Variants in LDLRAD4 observed in about 807,000 individuals in gnomAD.
LDLRAD4 encodes low density lipoprotein receptor class A domain containing 4, also known as low-density lipoprotein receptor class A domain-containing protein 4.
In LDLRAD4, 5 loss-of-function variants were observed where a neutral mutation model predicts 17.0. The observed-to-expected ratio is 0.29, with a 90% CI of 0.15 to 0.62. The LOEUF is 0.62. LDLRAD4 is among the 20% of genes least tolerant of loss of function. The pLI is 0.84. For synonymous variants in LDLRAD4, 168 were observed against 171.8 expected (o/e 0.98, Z 0.17); for missense variants, 340 against 424.7 (o/e 0.80, Z 1.75).
chr18:13,277,295 C>A (rs923879308), upstream of LDLRAD4, among the ~76,000 whole-genome samples: 10 of 152,180 alleles, frequency 6.6e-5, no homozygotes, highest in African/African-American at 2.4e-4. Context: ...GTGTGTCCTG[C>A]ACACTGGAGG....
rs1295691192 is a variant in LDLRAD4, at chr18:13,480,892, G to A, written c.181+42508G>A. On this transcript the variant is annotated intron_variant, in intron 3 of 5. Transcript: ENST00000359446. ...CCCATGACTCCCAGTGAAAACCCACGTCCTGGCTGTCAGCCGTGTCAGCCA... is the reference window on the plus strand; with the variant it reads ...CCCATGACTCCCAGTGAAAACCCACATCCTGGCTGTCAGCCGTGTCAGCCA... Among the ~76,000 whole-genome samples, 17 of 152,338 alleles carry A rather than the reference G, an allele frequency of 1.1e-4. No individual in the cohort carries two copies. The East Asian group carries it at 2.3e-3, about 21-fold the overall frequency.
chr18:13,284,790 T>C (rs752225080), intron 1 of LDLRAD4, among the ~76,000 whole-genome samples: 3 of 152,240 alleles, frequency 2.0e-5, no homozygotes, highest in Non-Finnish European at 4.4e-5. Context: ...GCCACCCGGA[T>C]GAGCTGTGCT....
chr18:13,608,385 G>T (rs1325636577), intron 3 of LDLRAD4, among the ~76,000 whole-genome samples: 1 of 152,164 alleles, frequency 6.6e-6, no homozygotes, highest in Non-Finnish European at 1.5e-5. Flanking sequence ...AAGCCCTGGG[G>T]GTGAGAGCTG....
chr18:13,564,561 T>C (rs2094574741), intron 3 of LDLRAD4, among the ~76,000 whole-genome samples: 1 of 147,260 alleles, frequency 6.8e-6, no homozygotes, highest in South Asian at 2.1e-4. Flanking sequence ...AAAAAGTTCA[T>C]TTTTGTGTTC....
chr18:13,514,298 A>G (rs1309632121), intron 3 of LDLRAD4, among the ~76,000 whole-genome samples: 2 of 152,224 alleles, frequency 1.3e-5, no homozygotes, highest in Non-Finnish European at 2.9e-5. Flanking sequence ...CAATGAGATA[A>G]TAAACCAATT....
At chr18:13,639,665 T>C (rs1447797174) in intron 4 of LDLRAD4, among the ~76,000 whole-genome samples, 1 of 152,190 alleles carries the variant, frequency 6.6e-6, no homozygotes, top group Non-Finnish European at 1.5e-5. Flanking sequence ...TCTCGGGTTT[T>C]GGCCTCAAGC....
chr18:13,543,662 G>T (rs916932878), intron 3 of LDLRAD4: 2 of 152,110 alleles, frequency 1.3e-5, no homozygotes, highest in African/African-American at 2.4e-5. Context: ...CTTACATTAG[G>T]TCTCAGAGGT....
chr18:13,602,259 G>A (rs374694239), intron 3 of LDLRAD4, among the ~76,000 whole-genome samples: 1 of 152,090 alleles, frequency 6.6e-6, no homozygotes, highest in Non-Finnish European at 1.5e-5. Flanking sequence ...AGCCCCAGCA[G>A]CATGCAGTAT....
intron 2 of LDLRAD4, among the ~76,000 whole-genome samples, chr18:13,395,246 G>A (rs1174520581): frequency 6.6e-6 from 1 of 151,230 alleles, no homozygotes; most frequent in African/African-American, 2.4e-5. Context: ...AGTGGTGCTC[G>A]ATAAATGTTC....
rs1488503102 is a variant in LDLRAD4 at position 13,424,008 on chromosome 18, G to A, written c.41-14236G>A. Among the ~76,000 whole-genome samples, 3 of 152,104 alleles carry A rather than the reference G, an allele frequency of 2.0e-5. No individual in the cohort carries two copies. In the East Asian group the frequency reaches 5.8e-4, roughly 30 times the overall value. On this transcript the variant is annotated intron_variant, in intron 2 of 5. Transcript: ENST00000359446. ...AAATCAGCCGGGCGTGGTGGCATGT[G>A]CCTGTAATCCTAGCTACTCAGGAGG...
chr18:13,370,151 G>T (rs2084351627), intron 1 of LDLRAD4, among the ~76,000 whole-genome samples: 1 of 152,252 alleles, frequency 6.6e-6, no homozygotes, highest in African/African-American at 2.4e-5. Flanking sequence ...TTCATATCAG[G>T]ACTGTGAGTC....
At chr18:13,219,662 G>A (rs2041342568) in intron 1 of LDLRAD4, among the ~76,000 whole-genome samples, 1 of 152,168 alleles carries the variant, frequency 6.6e-6, no homozygotes, top group Admixed American at 6.5e-5. Flanking sequence ...CAAAAATAGG[G>A]TCCTATGGCT....
At chr18:13,381,847 T>A (rs1310113118) in intron 1 of LDLRAD4, among the ~76,000 whole-genome samples, 1 of 152,274 alleles carries the variant, frequency 6.6e-6, no homozygotes, top group African/African-American at 2.4e-5. Context: ...ATAGGTGAGC[T>A]GTGCCGTGCA....
intron 2 of LDLRAD4, among the ~76,000 whole-genome samples, chr18:13,417,523 C>G (rs979723365): frequency 6.6e-6 from 1 of 151,708 alleles, no homozygotes; most frequent in African/African-American, 2.4e-5. Flanking sequence ...AGCTCTGCCT[C>G]CCGGGTTCAC....
chr18:13,238,145 TATC>T (rs2145620377), intron 1 of LDLRAD4, among the ~76,000 whole-genome samples: 1 of 152,322 alleles, frequency 6.6e-6, no homozygotes, highest in South Asian at 2.1e-4. Context: ...GGTGCCAGAA[TATC>T]TGCCTTTCCC....
intron 2 of LDLRAD4, among the ~76,000 whole-genome samples, chr18:13,435,619 A>G (rs940468297): frequency 2.6e-5 from 4 of 151,956 alleles, no homozygotes; most frequent in African/African-American, 9.7e-5. Flanking sequence ...GCTAATTTTT[A>G]AACTTTTTTG....
intron 3 of LDLRAD4, chr18:13,500,952 C>T (rs1278849198): frequency 2.0e-5 from 3 of 152,182 alleles, no homozygotes; most frequent in Non-Finnish European, 4.4e-5. Context: ...CTAGGAAGGT[C>T]GCTTCAAGGA....
At chr18:13,262,441 A>G (rs1227882026) in intron 1 of LDLRAD4, among the ~76,000 whole-genome samples, 40 of 87,008 alleles carry the variant, frequency 4.6e-4, no homozygotes, top group African/African-American at 1.5e-3. Flanking sequence ...TGTGCGTGGA[A>G]ACTGAGTCCC....
At chr18:13,581,867 CTATGCACACACGTA>C (rs1465965935) in intron 3 of LDLRAD4, among the ~76,000 whole-genome samples, 2 of 152,036 alleles carry the variant, frequency 1.3e-5, no homozygotes, top group African/African-American at 4.8e-5. Context: ...ATGTGCAGAG[CTATGCACACACGTA>C]TGTGTGTGCA....
Sources: gnomAD v4.1 joint callset for allele counts (sites outside exome capture counted in the v4.1 genomes callset) on GRCh38, gnomAD v4.1.1 for gene constraint, MANE v1.5 for transcripts, NCBI Gene and HGNC (gene_info 2026-07-23, HGNC 2026-07-21) for gene names.